The following ATXN7L1 variants were observed in gnomAD, a reference collection of about 807,000 sequenced individuals.
ATXN7L1 encodes ataxin 7 like 1, also known as ataxin-7-like protein 1.
In ATXN7L1, 15 loss-of-function variants were observed where a neutral mutation model predicts 70.8. The observed-to-expected ratio is 0.21, with a 90% CI of 0.14 to 0.33. ATXN7L1 has a LOEUF of 0.33. Among genes scored for constraint, ATXN7L1 ranks in the 10% least tolerant of loss-of-function variants. The pLI is 1.00. For synonymous variants in ATXN7L1, 440 were observed against 445.1 expected, an observed-to-expected ratio of 0.99 and a Z score of 0.14; for missense variants, 975 against 1,097.1, an observed-to-expected ratio of 0.89 and a Z score of 1.57.
chr7:105,798,394 G>A (rs541633889), intron 2 of ATXN7L1, among the ~76,000 whole-genome samples: 1 of 152,302 alleles, frequency 6.6e-6, no homozygotes, highest in South Asian at 2.1e-4. Context: ...TCCTGGGCCT[G>A]GAAGATCTAG....
At chr7:105,848,798 G>A (rs1814443813) in intron 2 of ATXN7L1, among the ~76,000 whole-genome samples, 1 of 152,122 alleles carries the variant, frequency 6.6e-6, no homozygotes, top group African/African-American at 2.4e-5. Context: ...GCAGCTCCGT[G>A]CACCCAGCCT....
intron 3 of ATXN7L1, among the ~76,000 whole-genome samples, chr7:105,723,224 C>T (rs78819413): frequency 0.083 from 12,630 of 152,196 alleles, 549 homozygotes; most frequent in South Asian, 0.16. Context: ...CTGCCACTTT[C>T]TAGCTGTTAG....
intron 3 of ATXN7L1, among the ~76,000 whole-genome samples, chr7:105,772,884 G>A (rs534825009): frequency 6.6e-6 from 1 of 152,190 alleles, no homozygotes; most frequent in Non-Finnish European, 1.5e-5. Context: ...ACAACAGAGA[G>A]ATTATATACA....
chr7:105,641,596 G>A, intron 5 of ATXN7L1, among the ~76,000 whole-genome samples: 1 of 152,274 alleles, frequency 6.6e-6, no homozygotes, highest in East Asian at 1.9e-4. Context: ...GGAGCCCTCG[G>A]CCTCCAGCCA....
At chr7:105,863,413 T>C (rs966521169) in intron 2 of ATXN7L1, among the ~76,000 whole-genome samples, 1 of 152,166 alleles carries the variant, frequency 6.6e-6, no homozygotes, top group Non-Finnish European at 1.5e-5. Flanking sequence ...CCATTTTGCT[T>C]AAAGAACAAG....
intron 3 of ATXN7L1, among the ~76,000 whole-genome samples, chr7:105,722,043 G>A (rs1795244459): frequency 6.6e-6 from 1 of 152,220 alleles, no homozygotes; most frequent in Non-Finnish European, 1.5e-5. Context: ...TTAACAGTTT[G>A]GTTCTAATTT....
At chr7:105,611,838 T>C (rs1375749661) in intron 10 of ATXN7L1, among the ~76,000 whole-genome samples, 1 of 152,250 alleles carries the variant, frequency 6.6e-6, no homozygotes, top group East Asian at 1.9e-4. Flanking sequence ...CCTAGCAGAA[T>C]TAACACAGAT....
intron 3 of ATXN7L1, among the ~76,000 whole-genome samples, chr7:105,778,519 A>AC (rs1803067864): frequency 7.6e-6 from 1 of 132,352 alleles, no homozygotes; most frequent in African/African-American, 3.2e-5. Flanking sequence ...TCAAAAAAAA[A>AC]AAAAAAAAAA....
In ATXN7L1 at chr7:105,668,419, A is replaced by G. The variant is rs564412917; in HGVS notation, c.356-3131T>C. Among the ~76,000 whole-genome samples the G allele has an allele frequency of 1.8e-4, 27 of 152,162 alleles. No individual in the cohort carries two copies. In the South Asian group the frequency reaches 4.8e-3, roughly 27 times the overall value. On this transcript the variant is annotated intron_variant, in intron 3 of 11. Coordinates refer to ENST00000419735, the MANE Select transcript of ATXN7L1 (RefSeq NM_020725.2). ...CGGCTAATTAATATGATCTTTTGAG[A>G]CAGAGTCTTGCTCTGTGGTCCAGGC... is the stretch of plus-strand genomic sequence containing the variant.
intron 2 of ATXN7L1, among the ~76,000 whole-genome samples, chr7:105,806,752 T>G (rs1807679992): frequency 6.6e-6 from 1 of 150,442 alleles, no homozygotes; most frequent in African/African-American, 2.5e-5. Context: ...AGGAGGTGAG[T>G]CATGAGGAAG....
At chr7:105,704,989 TCA>T (rs1252212901) in intron 3 of ATXN7L1, among the ~76,000 whole-genome samples, 2 of 152,100 alleles carry the variant, frequency 1.3e-5, no homozygotes, top group South Asian at 2.1e-4. Flanking sequence ...TAGCAATAAC[TCA>T]GTTTTGTAGA....
intron 10 of ATXN7L1, among the ~76,000 whole-genome samples, chr7:105,612,305 G>A (rs1222439151): frequency 6.6e-6 from 1 of 152,220 alleles, no homozygotes; most frequent in Non-Finnish European, 1.5e-5. Flanking sequence ...TATAAAATGA[G>A]TTAATACACC....
chr7:105,750,846 T>C (rs1025071152), intron 3 of ATXN7L1, among the ~76,000 whole-genome samples: 1 of 152,098 alleles, frequency 6.6e-6, no homozygotes, highest in Non-Finnish European at 1.5e-5. Flanking sequence ...CAATCACTCC[T>C]TTGGCAAGCG....
intron 7 of ATXN7L1, among the ~76,000 whole-genome samples, chr7:105,634,573 G>A (rs1018062026): frequency 6.6e-6 from 1 of 152,038 alleles, no homozygotes; most frequent in Non-Finnish European, 1.5e-5. Flanking sequence ...CAAGGCTGCT[G>A]TTGAATTCCT....
At chr7:105,656,624 G>A (rs1800688144) in intron 4 of ATXN7L1, among the ~76,000 whole-genome samples, 2 of 149,134 alleles carry the variant, frequency 1.3e-5, no homozygotes, top group South Asian at 4.2e-4. Flanking sequence ...ACACTGGAGT[G>A]CAGTGGTGTG....
chr7:105,853,355 C>T (rs1414190887), intron 2 of ATXN7L1, among the ~76,000 whole-genome samples: 2 of 152,168 alleles, frequency 1.3e-5, no homozygotes, highest in Non-Finnish European at 2.9e-5. Flanking sequence ...GAGCTTGAGA[C>T]CAGCCTGGCC....
chr7:105,639,961 C>A (rs1389713832), intron 5 of ATXN7L1, among the ~76,000 whole-genome samples: 3 of 152,204 alleles, frequency 2.0e-5, no homozygotes, highest in Non-Finnish European at 4.4e-5. Flanking sequence ...TGGCTGCAGA[C>A]CAGGGAGAGC....
intron 3 of ATXN7L1, among the ~76,000 whole-genome samples, chr7:105,670,974 C>T (rs1034942081): frequency 8.3e-4 from 126 of 152,060 alleles, no homozygotes; most frequent in South Asian, 1.5e-3. Context: ...GGCGAGGTGG[C>T]GGGCGCCTGT....
At chr7:105,785,849 C>A (rs1804221645) in intron 3 of ATXN7L1, among the ~76,000 whole-genome samples, 1 of 152,212 alleles carries the variant, frequency 6.6e-6, no homozygotes. Context: ...TCGCCAGAAT[C>A]TGACCTTGTT....
Sources: allele counts gnomAD v4.1 joint callset (sites outside exome capture counted in the v4.1 genomes callset), GRCh38; gene constraint gnomAD v4.1.1; transcripts MANE v1.5; gene names NCBI Gene and HGNC (gene_info 2026-07-23, HGNC 2026-07-21).